Variants in GRIK2 observed in about 807,000 individuals in gnomAD.
GRIK2 encodes glutamate ionotropic receptor kainate type subunit 2, also known as glutamate receptor ionotropic, kainate 2.
Under a neutral mutation model 100.3 loss-of-function variants are expected in GRIK2, and 32 were observed. The observed-to-expected ratio is 0.32, with a 90% confidence interval of 0.24 to 0.43. GRIK2 has a LOEUF of 0.43. Ranked by LOEUF, GRIK2 falls within the 20% of genes least tolerant of loss-of-function variation. The pLI, the probability that GRIK2 is intolerant of heterozygous loss-of-function variation, is 1.00. For synonymous variants in GRIK2, 417 were observed against 389.4 expected (o/e 1.07, Z -0.83); for missense variants, 843 against 1,114.9 (o/e 0.76, Z 3.47).
intron 4 of GRIK2, among the ~76,000 whole-genome samples, chr6:101,656,349 G>C (rs1353996556): frequency 6.6e-6 from 1 of 150,642 alleles, no homozygotes; most frequent in Admixed American, 6.6e-5. Flanking sequence ...AATAAGAAAG[G>C]CATAAGAGAA....
chr6:101,775,814 G>GAT (rs930454577), intron 7 of GRIK2, among the ~76,000 whole-genome samples: 34 of 150,714 alleles, frequency 2.3e-4, no homozygotes, highest in East Asian at 7.8e-4. Context: ...ATGGAATATA[G>GAT]ATATATATAT....
Position 101,682,534 on chromosome 6 carries a change from A to T in GRIK2, c.724-19A>T. 1 of 1,087,016 alleles carries T rather than the reference A, an allele frequency of 9.2e-7. No individual in the cohort carries two copies. The highest frequency in any genetic ancestry group is 1.4e-6 in the Non-Finnish European group (1 of 711,666). 67.3% of individuals were successfully genotyped at this position (1,087,016 alleles called of 1,614,324 possible). A position where few individuals can be genotyped will look rare whatever the true frequency, so the allele number is the denominator to read the frequency against. ...CTTTCCTGAAATATGTACCTTCAGT[A>T]ATTTTTTTTTTTCCTTAGGCATTAG... On this transcript the variant is annotated intron_variant, in intron 5 of 16. Coordinates refer to ENST00000369134, the MANE Select transcript of GRIK2 (RefSeq NM_021956.5).
At chr6:101,917,505 G>A (rs540448531) in intron 12 of GRIK2, among the ~76,000 whole-genome samples, 1 of 151,366 alleles carries the variant, frequency 6.6e-6, no homozygotes, top group African/African-American at 2.4e-5. Flanking sequence ...AGTTTTTAAC[G>A]TATATGGGTT....
chr6:101,832,163 C>A (rs1243988159), intron 10 of GRIK2, among the ~76,000 whole-genome samples: 1 of 151,922 alleles, frequency 6.6e-6, no homozygotes. Flanking sequence ...TTCTGCATTT[C>A]TTTTTATATA....
chr6:101,812,965 G>A (rs2518266), intron 9 of GRIK2, among the ~76,000 whole-genome samples: 41,046 of 151,704 alleles, frequency 0.27, 7,448 homozygotes, highest in East Asian at 0.67. Flanking sequence ...AAGAACCATT[G>A]TTTCTCTCTC....
rs553053813 is a variant in GRIK2 at position 101,744,076 on chromosome 6, G to A, written c.952-55572G>A. On this transcript the variant is annotated intron_variant, in intron 7 of 16. Transcript: ENST00000369134. ...TCCTGCTTCAGCCTCCTGAGTAGCTGGGACTATAGGCGCCCGCCACCACGC... is the reference window on the plus strand; with the variant it reads ...TCCTGCTTCAGCCTCCTGAGTAGCTAGGACTATAGGCGCCCGCCACCACGC... 5.3e-5 allele frequency among the ~76,000 whole-genome samples: 8 copies of A among 152,126 alleles called. No individual in the cohort carries two copies. The South Asian group carries it at 1.2e-3, about 24-fold the overall frequency.
chr6:101,442,083 T>G (rs992010897), intron 2 of GRIK2, among the ~76,000 whole-genome samples: 3 of 151,982 alleles, frequency 2.0e-5, no homozygotes, highest in Non-Finnish European at 4.4e-5. Context: ...GATTGAGATT[T>G]GAAGGTTTGC....
At chr6:101,858,287 G>A (rs918293952) in intron 10 of GRIK2, among the ~76,000 whole-genome samples, 2 of 151,834 alleles carry the variant, frequency 1.3e-5, no homozygotes, top group Non-Finnish European at 2.9e-5. Context: ...TATAGAGGAG[G>A]GCTGGCTCAC....
rs138013141 is a variant in GRIK2 at position 101,659,507 on chromosome 6, G to A, written c.542-17116G>A. Among the ~76,000 whole-genome samples the A allele has an allele frequency of 4.2e-3, 637 of 152,072 alleles. 9 individuals are homozygous for A. The highest frequency in any genetic ancestry group is 0.025 in the Admixed American group (377 of 15,256). ...TATTGTTATGTGTGAATTTGATCTC[G>A]TCATTATGATGTTAGCTGGTTATTT... is the stretch of plus-strand genomic sequence containing the variant. On this transcript the variant is annotated intron_variant, in intron 4 of 16. Coordinates refer to ENST00000369134, the MANE Select transcript of GRIK2 (RefSeq NM_021956.5).
chr6:101,686,851 G>T (rs1771735599), intron 7 of GRIK2, among the ~76,000 whole-genome samples: 1 of 152,048 alleles, frequency 6.6e-6, no homozygotes, highest in African/African-American at 2.4e-5. Context: ...TCAAGTCCCA[G>T]TTTAAACCCA....
At chr6:101,776,994 G>A (rs572233679) in intron 7 of GRIK2, among the ~76,000 whole-genome samples, 1 of 152,134 alleles carries the variant, frequency 6.6e-6, no homozygotes. Flanking sequence ...GGTGATCATC[G>A]CCATCATCGT....
chr6:102,039,952 G>A (rs1770479425), intron 15 of GRIK2, among the ~76,000 whole-genome samples: 2 of 151,468 alleles, frequency 1.3e-5, no homozygotes, highest in Non-Finnish European at 3.0e-5. Flanking sequence ...AAAAGGGATG[G>A]AGGGAATTGT....
chr6:101,674,006 AT>A (rs1360757003), intron 4 of GRIK2, among the ~76,000 whole-genome samples: 1 of 152,034 alleles, frequency 6.6e-6, no homozygotes, highest in Non-Finnish European at 1.5e-5. Context: ...TTAAATGAAT[AT>A]TTTTTCTCTT....
chr6:101,838,693 C>T (rs924490107), intron 10 of GRIK2, among the ~76,000 whole-genome samples: 2 of 148,584 alleles, frequency 1.3e-5, no homozygotes, highest in Non-Finnish European at 2.9e-5. Flanking sequence ...CTCTTGTTGC[C>T]CAGGCTGGAG....
At chr6:101,710,757 G>A (rs1222951) in intron 7 of GRIK2, among the ~76,000 whole-genome samples, 2,593 of 151,800 alleles carry the variant, frequency 0.017, 30 homozygotes, top group Non-Finnish European at 0.026. Flanking sequence ...CTCATGCTCA[G>A]CACCATGCTT....
intron 9 of GRIK2, 27 bp downstream of exon 9, chr6:101,802,465 A>C: frequency 1.0e-6 from 1 of 968,798 alleles, no homozygotes; most frequent in Non-Finnish European, 1.6e-6. Context: ...ATTTGCTTTA[A>C]TTACTAAATG....
At chr6:101,525,845 C>T (rs916133472) in intron 2 of GRIK2, among the ~76,000 whole-genome samples, 6 of 152,130 alleles carry the variant, frequency 3.9e-5, no homozygotes, top group African/African-American at 1.4e-4. Flanking sequence ...ATATTAATCA[C>T]GCTCACAATT....
chr6:101,814,933 A>G (rs1381633321), intron 9 of GRIK2, among the ~76,000 whole-genome samples: 1 of 152,188 alleles, frequency 6.6e-6, no homozygotes, highest in Non-Finnish European at 1.5e-5. Flanking sequence ...ACTATGTTGA[A>G]TACTTTTTCA....
chr6:101,678,604 T>C (rs1771011185), intron 5 of GRIK2, among the ~76,000 whole-genome samples: 1 of 152,170 alleles, frequency 6.6e-6, no homozygotes, highest in South Asian at 2.1e-4. Context: ...AGAAAGTGAA[T>C]AGCTTCTAGG....
Sources: allele counts gnomAD v4.1 joint callset (sites outside exome capture counted in the v4.1 genomes callset), GRCh38; gene constraint gnomAD v4.1.1; transcripts MANE v1.5; gene names NCBI Gene and HGNC (gene_info 2026-07-23, HGNC 2026-07-21).